The following DYNC2H1 variants were observed in gnomAD, a reference collection of about 807,000 sequenced individuals.
The protein encoded by DYNC2H1 is dynein cytoplasmic 2 heavy chain 1.
Under a neutral mutation model 570.0 loss-of-function variants are expected in DYNC2H1, and 410 were observed. The observed-to-expected ratio is 0.72, with a 90% CI of 0.66 to 0.78. The LOEUF is 0.78. Among genes scored for constraint, DYNC2H1 ranks in the 30% least tolerant of loss-of-function variants. The probability of loss-of-function intolerance (pLI) is 0.00; values close to 1 mark genes in which losing one functional copy is unlikely to be tolerated. For missense variants in DYNC2H1, 4,865 were observed against 5,046.4 expected, an observed-to-expected ratio of 0.96 and a Z score of 1.09; for synonymous variants, 1,688 against 1,677.6, an observed-to-expected ratio of 1.01 and a Z score of -0.15.
chr11:103,357,149 ATAGT>A (rs1484142986), intron 82 of DYNC2H1, among the ~76,000 whole-genome samples: 1 of 152,162 alleles, frequency 6.6e-6, no homozygotes, highest in Non-Finnish European at 1.5e-5. Context: ...AATATTTAGC[ATAGT>A]TAGTACTATT....
chr11:103,176,268 G>T lies in DYNC2H1; in HGVS notation c.5708G>T (p.Arg1903Met). 1 of 1,539,950 alleles carries T rather than the reference G, an allele frequency of 6.5e-7. No individual in the cohort carries two copies. The highest frequency in any genetic ancestry group is 1.7e-4 in the Middle Eastern group (1 of 5,964). Residue 1903 changes from arginine to methionine, a missense_variant, in exon 37 of 89, where the codon AGG (arginine) becomes ATG (methionine). Arg to Met is a moderately conservative substitution (Grantham distance 91). Around this residue, in one of 5 missense-constraint regions of DYNC2H1, gnomAD observed 292 missense variants for 300.2 expected, o/e 0.97. Transcript: ENST00000375735. ...AGTCATATTGTGGTACAAGCACTGA[G>T]GCTTAATACCATGTCAAAGTTTACG... is the stretch of plus-strand genomic sequence containing the variant. The part of the protein sequence containing the change: ...NESHIVVQAL[R>M]LNTMSKFTFT...
chr11:103,438,436 G>A (rs1476127422), intron 85 of DYNC2H1, among the ~76,000 whole-genome samples: 1 of 152,074 alleles, frequency 6.6e-6, no homozygotes, highest in Non-Finnish European at 1.5e-5. Flanking sequence ...GGGAAAATTA[G>A]AAGCACTATT....
intron 1 of DYNC2H1, among the ~76,000 whole-genome samples, chr11:103,111,473 A>G (rs1477644322): frequency 6.6e-6 from 1 of 152,192 alleles, no homozygotes; most frequent in Middle Eastern, 3.2e-3. Flanking sequence ...TTTTTCTCCA[A>G]TAGGTAGCGT....
intron 1 of DYNC2H1, among the ~76,000 whole-genome samples, chr11:103,113,216 C>T (rs2134681201): frequency 1.3e-5 from 2 of 152,172 alleles, no homozygotes; most frequent in East Asian, 3.9e-4. Flanking sequence ...CTGATTCTGG[C>T]TAGAATGGAC....
chr11:103,457,210 A>C (rs187811263), intron 87 of DYNC2H1, among the ~76,000 whole-genome samples: 2 of 152,366 alleles, frequency 1.3e-5, no homozygotes, highest in African/African-American at 4.8e-5. Context: ...TATGTATAGT[A>C]CATAATACTT....
chr11:103,293,199 G>A (rs180941492), intron 75 of DYNC2H1, among the ~76,000 whole-genome samples: 1,485 of 147,276 alleles, frequency 0.01, 11 homozygotes, highest in Admixed American at 0.015. Context: ...AATATTCTAA[G>A]TTGGAAGCTT....
At position 103,252,009 on chromosome 11, in the gene DYNC2H1, C is replaced by T. The variant is rs1864852801; in HGVS notation, c.10043-1276C>T. On this transcript the variant is annotated intron_variant, in intron 65 of 88. Coordinates refer to ENST00000375735, the MANE Select transcript of DYNC2H1 (RefSeq NM_001377.3). This position sits in a 1 kb window ranked among gnomAD's most constrained non-coding sequence, Gnocchi z 4.6. ...TGTGATCCATAGTTCACTGTAACCT[C>T]GAACTCCTGGGCTCAAATGATCCTC... 6.6e-6 allele frequency among the ~76,000 whole-genome samples: 1 copy of T among 152,046 alleles called. No homozygotes were observed. Among genetic ancestry groups the T allele is most frequent in the African/African-American group, 2.4e-5 (1 of 41,390 alleles).
At chr11:103,152,991 TCAAA>T (rs1240054783) in intron 21 of DYNC2H1, among the ~76,000 whole-genome samples, 1 of 152,290 alleles carries the variant, frequency 6.6e-6, no homozygotes, top group African/African-American at 2.4e-5. Flanking sequence ...TCAGCAGTCA[TCAAA>T]CAAACATTTT....
At chr11:103,358,495 C>T in intron 83 of DYNC2H1, 136 bp downstream of exon 83, 1 of 559,168 alleles carries the variant, frequency 1.8e-6, no homozygotes. Context: ...CCCATGACCT[C>T]CTTTCTTCAT....
chr11:103,197,269 TAGA>T (rs1862538993), intron 47 of DYNC2H1, among the ~76,000 whole-genome samples: 1 of 151,924 alleles, frequency 6.6e-6, no homozygotes, highest in Non-Finnish European at 1.5e-5. Context: ...GATTCTGAAA[TAGA>T]AGGAGGAAAA....
intron 78 of DYNC2H1, among the ~76,000 whole-genome samples, chr11:103,308,446 T>A (rs1436193850): frequency 6.6e-6 from 1 of 152,242 alleles, no homozygotes; most frequent in East Asian, 1.9e-4. Flanking sequence ...CTGTTGTGAA[T>A]AATACAGTGA....
intron 83 of DYNC2H1, among the ~76,000 whole-genome samples, chr11:103,372,491 C>T (rs1565536800): frequency 6.6e-6 from 1 of 152,122 alleles, no homozygotes; most frequent in Non-Finnish European, 1.5e-5. Context: ...TTGAAATGAT[C>T]ATGTGGCTTT....
At chr11:103,378,980 T>C (rs1941522417) in intron 83 of DYNC2H1, among the ~76,000 whole-genome samples, 1 of 152,250 alleles carries the variant, frequency 6.6e-6, no homozygotes, top group South Asian at 2.1e-4. Flanking sequence ...CTATTCTGTT[T>C]GATGCTCTAA....
Position 103,188,666 on chromosome 11 carries a change from T to G in DYNC2H1, c.7292+18T>G. ...TCTATAGAGTATGTATCTTTGTGTT[T>G]CAGATTTTTTAATTTGGGAAGATAT... is the stretch of plus-strand genomic sequence containing the variant. On this transcript the variant is annotated intron_variant, in intron 44 of 88. Coordinates refer to ENST00000375735, the MANE Select transcript of DYNC2H1 (RefSeq NM_001377.3). 1 of 1,488,284 alleles carries G rather than the reference T, an allele frequency of 6.7e-7. No individual in the cohort carries two copies. The allele number at this position is 1,488,284 out of a possible 1,614,324, so 92.2% of individuals were successfully genotyped here.
At chr11:103,242,598 G>A (rs910297402) in intron 63 of DYNC2H1, among the ~76,000 whole-genome samples, 4 of 152,126 alleles carry the variant, frequency 2.6e-5, no homozygotes, top group African/African-American at 9.7e-5. Flanking sequence ...TTAAATTTTA[G>A]TAGGTAGCAA....
chr11:103,345,482 T>A (rs1939697497), intron 82 of DYNC2H1, among the ~76,000 whole-genome samples: 1 of 152,222 alleles, frequency 6.6e-6, no homozygotes, highest in Non-Finnish European at 1.5e-5. Context: ...TAGTACTTGG[T>A]ATTTTGGGAT....
rs891543756 is a variant in DYNC2H1 at position 103,145,971 on chromosome 11, A to C, written c.2703-1801A>C. Among the ~76,000 whole-genome samples the C allele has an allele frequency of 3.3e-5, 5 of 152,214 alleles. No homozygotes were observed. Among genetic ancestry groups the C allele is most frequent in the African/African-American group, 1.2e-4 (5 of 41,470 alleles). On this transcript the variant is annotated intron_variant, in intron 18 of 88. Coordinates refer to ENST00000375735, the MANE Select transcript of DYNC2H1 (RefSeq NM_001377.3). The surrounding 1 kb of genome is among the most constrained non-coding windows in gnomAD (Gnocchi z 4.2). Reference sequence around the variant, plus strand: ...TTAATTCATTAGCAAAATACAGTATAATATAACCTTTTAGGTTTACCAAAA... The same window carrying C: ...TTAATTCATTAGCAAAATACAGTATCATATAACCTTTTAGGTTTACCAAAA...
chr11:103,219,512 T>C (rs1863507553), intron 55 of DYNC2H1, among the ~76,000 whole-genome samples: 1 of 152,130 alleles, frequency 6.6e-6, no homozygotes, highest in South Asian at 2.1e-4. Context: ...CTTGTGAGGC[T>C]GAGGTAGGAG....
intron 78 of DYNC2H1, among the ~76,000 whole-genome samples, chr11:103,311,458 G>T (rs1867583666): frequency 6.6e-6 from 1 of 152,008 alleles, no homozygotes; most frequent in African/African-American, 2.4e-5. Context: ...TATGTAAATG[G>T]TATGTTGAAT....
Sources: gnomAD v4.1 joint callset for allele counts (sites outside exome capture counted in the v4.1 genomes callset) on GRCh38, gnomAD v4.1.1 for gene constraint, gnomAD v4.1.1 regional missense constraint, Gnocchi (gnomAD v3.1) non-coding constraint, MANE v1.5 for transcripts, NCBI Gene and HGNC (gene_info 2026-07-23, HGNC 2026-07-21) for gene names.